The following KLF12 variants were observed in gnomAD, a reference collection of about 807,000 sequenced individuals.
The protein encoded by KLF12 is KLF transcription factor 12, also known as Krueppel-like factor 12.
Under a neutral mutation model 37.8 loss-of-function variants are expected in KLF12, and 9 were observed. The ratio of observed to expected loss-of-function variants is 0.24; its 90% CI spans 0.14 to 0.42. KLF12 has a LOEUF of 0.42. Ranked by LOEUF, KLF12 falls within the 10% of genes least tolerant of loss-of-function variation. KLF12 has a pLI of 1.00. For synonymous variants in KLF12, 208 were observed against 202.1 expected, an observed-to-expected ratio of 1.03 and a Z score of -0.25; for missense variants, 411 against 516.0, an observed-to-expected ratio of 0.80 and a Z score of 1.97.
intron 6 of KLF12, among the ~76,000 whole-genome samples, chr13:73,747,248 C>G (rs925567709): frequency 6.6e-6 from 1 of 152,008 alleles, no homozygotes; most frequent in African/African-American, 2.4e-5. Flanking sequence ...AGGGCCATGA[C>G]AAAAAGACAT....
intron 3 of KLF12, among the ~76,000 whole-genome samples, chr13:73,940,477 T>A (rs939365610): frequency 6.6e-6 from 1 of 152,120 alleles, no homozygotes; most frequent in African/African-American, 2.4e-5. Flanking sequence ...ACCACACCTA[T>A]CCGGTTCACA....
intron 2 of KLF12, among the ~76,000 whole-genome samples, chr13:73,989,097 T>G (rs555333796): frequency 6.6e-6 from 1 of 152,306 alleles, no homozygotes; most frequent in East Asian, 1.9e-4. Flanking sequence ...ATTTAAAAGG[T>G]TACTTATTCA....
At chr13:73,704,384 T>C (rs1874773225) in intron 7 of KLF12, among the ~76,000 whole-genome samples, 1 of 152,326 alleles carries the variant, frequency 6.6e-6, no homozygotes, top group South Asian at 2.1e-4. Flanking sequence ...TAATTCCATC[T>C]ACTCAGGTAC....
the KLF12 span, among the ~76,000 whole-genome samples, chr13:74,292,452 C>CTTT: frequency 7.3e-6 from 1 of 136,510 alleles, no homozygotes; most frequent in Non-Finnish European, 1.6e-5. Context: ...GTTTCTTTTT[C>CTTT]TTTTTTTTTT....
At chr13:74,028,390 T>C (rs767936385) in intron 1 of KLF12, among the ~76,000 whole-genome samples, 14 of 152,176 alleles carry the variant, frequency 9.2e-5, no homozygotes, top group Non-Finnish European at 1.8e-4. Context: ...CAATATTAAG[T>C]TAAAATGACC....
At chr13:74,135,359 G>T (rs973747055), upstream of KLF12, among the ~76,000 whole-genome samples, 12 of 151,912 alleles carry the variant, frequency 7.9e-5, no homozygotes, top group Admixed American at 5.9e-4. Flanking sequence ...ACTGCCCCAC[G>T]CCCAGAGCGG....
Position 74,051,948 on chromosome 13 carries a change from T to G in KLF12, c.-31-56895A>C, listed in dbSNP as rs574909878. Reference sequence around the variant, plus strand: ...GATGGATTTGCCAACTACCCTAATTTGATCATTACACATTGTATAAAACTA... The same window carrying G: ...GATGGATTTGCCAACTACCCTAATTGGATCATTACACATTGTATAAAACTA... On this transcript the variant is annotated intron_variant, in intron 1 of 7. Coordinates refer to ENST00000377669, the MANE Select transcript of KLF12 (RefSeq NM_007249.5). 1.1e-3 allele frequency among the ~76,000 whole-genome samples: 164 copies of G among 152,284 alleles called. 1 individual carries two copies. The highest frequency in any genetic ancestry group is 3.7e-3 in the African/African-American group (153 of 41,562).
the KLF12 span, among the ~76,000 whole-genome samples, chr13:74,220,999 CTTGT>C: frequency 2.7e-5 from 4 of 149,252 alleles, no homozygotes; most frequent in South Asian, 4.3e-4. Flanking sequence ...TTTTTGTTTG[CTTGT>C]TTGTTTTTTT....
intron 3 of KLF12, among the ~76,000 whole-genome samples, chr13:73,939,539 CTATGT>C (rs1890097597): frequency 6.6e-6 from 1 of 152,106 alleles, no homozygotes; most frequent in Admixed American, 6.6e-5. Flanking sequence ...TCTACCTACC[CTATGT>C]CTACTTGGAG....
chr13:74,124,949 C>A (rs2138998389), intron 1 of KLF12, among the ~76,000 whole-genome samples: 1 of 152,102 alleles, frequency 6.6e-6, no homozygotes, highest in Non-Finnish European at 1.5e-5. Context: ...AGTTGGAGAC[C>A]AGCCTGGCCA....
chr13:73,997,393 A>G (rs988575852), intron 1 of KLF12, among the ~76,000 whole-genome samples: 16 of 152,350 alleles, frequency 1.1e-4, no homozygotes, highest in South Asian at 2.1e-4. Context: ...TTTATACAGC[A>G]ATCTGTAAAA....
intron 6 of KLF12, among the ~76,000 whole-genome samples, chr13:73,735,486 G>A (rs1242430810): frequency 6.6e-6 from 1 of 152,136 alleles, no homozygotes; most frequent in African/African-American, 2.4e-5. Context: ...CATCCTGGAG[G>A]GAGTGGGACT....
chr13:74,078,141 T>TGG (rs1360818143), intron 1 of KLF12, among the ~76,000 whole-genome samples: 1 of 152,186 alleles, frequency 6.6e-6, no homozygotes, highest in Non-Finnish European at 1.5e-5. Context: ...CTGAGGGGCA[T>TGG]GGGAGTTCTG....
chr13:73,736,687 G>C (rs1877486648), intron 6 of KLF12, among the ~76,000 whole-genome samples: 1 of 152,180 alleles, frequency 6.6e-6, no homozygotes, highest in African/African-American at 2.4e-5. Flanking sequence ...ACAACCCAGA[G>C]TTTGGTTGTC....
At chr13:73,940,663 A>G (rs1890147606) in intron 3 of KLF12, among the ~76,000 whole-genome samples, 1 of 152,264 alleles carries the variant, frequency 6.6e-6, no homozygotes, top group African/African-American at 2.4e-5. Context: ...TGAATAAATA[A>G]TGTATTCACC....
At chr13:73,898,992 A>G (rs1054120364) in intron 3 of KLF12, among the ~76,000 whole-genome samples, 4 of 152,246 alleles carry the variant, frequency 2.6e-5, no homozygotes, top group African/African-American at 9.6e-5. Context: ...TGCAGCAGAA[A>G]GAGGCAATGA....
chr13:74,284,931 G>A, the KLF12 span, among the ~76,000 whole-genome samples: 1 of 152,112 alleles, frequency 6.6e-6, no homozygotes, highest in Non-Finnish European at 1.5e-5. Flanking sequence ...CCCATTATAA[G>A]TAGGGCCTTT....
chr13:74,036,229 T>G (rs903858172), intron 1 of KLF12, among the ~76,000 whole-genome samples: 2 of 152,202 alleles, frequency 1.3e-5, no homozygotes, highest in African/African-American at 4.8e-5. Flanking sequence ...TGGCCTATTT[T>G]GCATTGCTGG....
intron 2 of KLF12, among the ~76,000 whole-genome samples, chr13:73,988,972 T>C (rs567856897): frequency 5.3e-5 from 8 of 152,174 alleles, no homozygotes; most frequent in Non-Finnish European, 1.0e-4. Flanking sequence ...AACTGAAATA[T>C]ACAAGCAAAG....
Sources: gnomAD v4.1 joint callset for allele counts (sites outside exome capture counted in the v4.1 genomes callset) on GRCh38, gnomAD v4.1.1 for gene constraint, MANE v1.5 for transcripts, NCBI Gene and HGNC (gene_info 2026-07-23, HGNC 2026-07-21) for gene names.